The following ZBTB20 variants were observed in gnomAD, a reference collection of about 807,000 sequenced individuals.
ZBTB20 encodes zinc finger and BTB domain-containing protein 20.
Under a neutral mutation model 56.9 loss-of-function variants are expected in ZBTB20, and 9 were observed. The observed-to-expected ratio is 0.16, with a 90% confidence interval of 0.10 to 0.28. The LOEUF is 0.28. Among genes scored for constraint, ZBTB20 ranks in the 10% least tolerant of loss-of-function variants. The pLI is 1.00. For missense variants in ZBTB20, 655 were observed against 1,003.0 expected, an observed-to-expected ratio of 0.65 and a Z score of 4.69; for synonymous variants, 417 against 420.7, an observed-to-expected ratio of 0.99 and a Z score of 0.11.
At chr3:114,806,787 G>GT (rs1429680498) in intron 4 of ZBTB20, among the ~76,000 whole-genome samples, 1 of 151,930 alleles carries the variant, frequency 6.6e-6, no homozygotes, top group African/African-American at 2.4e-5. Context: ...ACTAAAATAT[G>GT]TTTTTTACAG....
chr3:114,791,866 G>A (rs1366129968), intron 5 of ZBTB20: 1 of 152,068 alleles, frequency 6.6e-6, no homozygotes, highest in Non-Finnish European at 1.5e-5. Context: ...ACAGTAATCA[G>A]AAGAGTGATC....
chr3:114,598,405 TA>T (rs1553763026), intron 6 of ZBTB20, among the ~76,000 whole-genome samples: 2 of 4,990 alleles, frequency 4.0e-4, no homozygotes, highest in East Asian at 0.022. Flanking sequence ...GTAAAGTTGC[TA>T]AAAAAAAAAA....
chr3:114,897,065 C>T (rs2074913353), intron 4 of ZBTB20, among the ~76,000 whole-genome samples: 1 of 152,094 alleles, frequency 6.6e-6, no homozygotes, highest in African/African-American at 2.4e-5. Context: ...TTCTTCAGTA[C>T]TTGCTATGTG....
At chr3:114,484,798 A>AGTGTGTGTGTGTGT (rs146057079) in intron 7 of ZBTB20, among the ~76,000 whole-genome samples, 1 of 150,494 alleles carries the variant, frequency 6.6e-6, no homozygotes, top group Non-Finnish European at 1.5e-5. Flanking sequence ...ATATCAATAG[A>AGTGTGTGTGTGTGT]GTGTGTGTGT....
At chr3:114,644,690 A>AT (rs1320673455) in intron 6 of ZBTB20, among the ~76,000 whole-genome samples, 1 of 152,122 alleles carries the variant, frequency 6.6e-6, no homozygotes, top group Admixed American at 6.5e-5. Flanking sequence ...TACTGTGCTC[A>AT]TTACCATAGG....
intron 3 of ZBTB20, among the ~76,000 whole-genome samples, chr3:114,964,645 CA>C (rs1310726646): frequency 1.3e-5 from 2 of 151,814 alleles, no homozygotes; most frequent in African/African-American, 2.4e-5. Flanking sequence ...TAAAAGACAG[CA>C]AACAGTGAAG....
intron 6 of ZBTB20, among the ~76,000 whole-genome samples, chr3:114,507,133 A>G (rs1453910227): frequency 6.6e-6 from 1 of 152,176 alleles, no homozygotes; most frequent in African/African-American, 2.4e-5. Context: ...GAAGATTAGG[A>G]AAACTGATGC....
intron 6 of ZBTB20, among the ~76,000 whole-genome samples, chr3:114,686,946 A>C (rs1328526126): frequency 6.6e-6 from 1 of 152,040 alleles, no homozygotes; most frequent in African/African-American, 2.4e-5. Flanking sequence ...CAACAACAGC[A>C]ATAACAACAA....
intron 4 of ZBTB20, among the ~76,000 whole-genome samples, chr3:114,860,036 C>T (rs754888202): frequency 1.1e-4 from 16 of 152,086 alleles, no homozygotes; most frequent in Admixed American, 3.3e-4. Context: ...CAGCCGGGCG[C>T]GGTGGCTCAC....
chr3:114,926,649 G>T (rs2076168245), intron 3 of ZBTB20, among the ~76,000 whole-genome samples: 1 of 152,136 alleles, frequency 6.6e-6, no homozygotes, highest in African/African-American at 2.4e-5. Flanking sequence ...AATAAAGTAG[G>T]TAATAAGTAC....
At chr3:114,830,029 CT>C (rs1402449159) in intron 4 of ZBTB20, among the ~76,000 whole-genome samples, 1 of 151,914 alleles carries the variant, frequency 6.6e-6, no homozygotes, top group African/African-American at 2.4e-5. Context: ...AGTTTTCATA[CT>C]CATTAAAATG....
At position 114,615,999 on chromosome 3, in the gene ZBTB20, T is replaced by G. The variant is rs371580220; in HGVS notation, c.-295+77529A>C. Reference sequence around the variant, plus strand: ...GAGAAATTGCTCTGTATATGGAGTTTCACTAAAGCAGAATTTATCATAAGG... The same window carrying G: ...GAGAAATTGCTCTGTATATGGAGTTGCACTAAAGCAGAATTTATCATAAGG... On this transcript the variant is annotated intron_variant, in intron 6 of 11. Coordinates refer to ENST00000675478, the MANE Select transcript of ZBTB20 (RefSeq NM_001348800.3). Among the ~76,000 whole-genome samples, 246 of 152,322 alleles carry G rather than the reference T, an allele frequency of 1.6e-3. 5 individuals carry two copies. The South Asian group carries it at 0.044, about 27-fold the overall frequency.
intron 6 of ZBTB20, among the ~76,000 whole-genome samples, chr3:114,586,989 C>CT (rs1195918426): frequency 0.046 from 3,519 of 76,918 alleles, 73 homozygotes; most frequent in African/African-American, 0.063. Context: ...GTATAACTCC[C>CT]TTTTTTTTTT....
At chr3:115,084,387 TA>T (rs748202459) in intron 1 of ZBTB20, among the ~76,000 whole-genome samples, 2 of 151,260 alleles carry the variant, frequency 1.3e-5, no homozygotes, top group African/African-American at 2.4e-5. Flanking sequence ...ACTCTATGCT[TA>T]AAAAAAATAC....
At chr3:114,850,272 T>C (rs925969703) in intron 4 of ZBTB20, among the ~76,000 whole-genome samples, 2 of 152,152 alleles carry the variant, frequency 1.3e-5, no homozygotes, top group Admixed American at 6.6e-5. Flanking sequence ...GGCAGAATAA[T>C]GGACCCGATT....
At chr3:114,605,371 A>G (rs908308166) in intron 6 of ZBTB20, among the ~76,000 whole-genome samples, 1 of 152,152 alleles carries the variant, frequency 6.6e-6, no homozygotes, top group Non-Finnish European at 1.5e-5. Context: ...TTTTTGGTAA[A>G]AAGATAATCA....
intron 6 of ZBTB20, among the ~76,000 whole-genome samples, chr3:114,660,942 C>T (rs1421636913): frequency 6.6e-6 from 1 of 151,908 alleles, no homozygotes; most frequent in Non-Finnish European, 1.5e-5. Flanking sequence ...CCTCTCTCTC[C>T]AAAAAGCCAT....
chr3:114,732,807 T>A (rs2065858489), intron 5 of ZBTB20, among the ~76,000 whole-genome samples: 1 of 152,082 alleles, frequency 6.6e-6, no homozygotes, highest in Non-Finnish European at 1.5e-5. Flanking sequence ...TCAGTTCTAA[T>A]AAAAACACTG....
At chr3:114,708,419 A>G (rs1052263057) in intron 5 of ZBTB20, among the ~76,000 whole-genome samples, 2 of 152,110 alleles carry the variant, frequency 1.3e-5, no homozygotes, top group African/African-American at 2.4e-5. Context: ...TAAAAAATAT[A>G]TGAAGACTGT....
Sources: gnomAD v4.1 joint callset for allele counts (sites outside exome capture counted in the v4.1 genomes callset) on GRCh38, gnomAD v4.1.1 for gene constraint, MANE v1.5 for transcripts, NCBI Gene and HGNC (gene_info 2026-07-23, HGNC 2026-07-21) for gene names.